Variants in SORCS2 observed in about 807,000 individuals in gnomAD.
SORCS2 encodes VPS10 domain-containing receptor SorCS2.
SORCS2 carries 100 observed loss-of-function variants against 141.6 expected under a neutral mutation model. The observed-to-expected ratio is 0.71, with a 90% CI of 0.60 to 0.83. The LOEUF is 0.83. Ranked by LOEUF, SORCS2 falls within the 40% of genes least tolerant of loss-of-function variation. The pLI, the probability that SORCS2 is intolerant of heterozygous loss-of-function variation, is 0.00. For synonymous variants in SORCS2, 789 were observed against 676.9 expected, an observed-to-expected ratio of 1.17 and a Z score of -2.57; for missense variants, 1,646 against 1,560.2, an observed-to-expected ratio of 1.05 and a Z score of -0.93.
In SORCS2 at chr4:7,249,066, C is replaced by T. The variant is rs201730675; in HGVS notation, c.480+55940C>T. Among the ~76,000 whole-genome samples, 9 of 152,220 alleles carry T rather than the reference C, an allele frequency of 5.9e-5. No individual in the cohort carries two copies. In the East Asian group the frequency reaches 1.7e-3, roughly 29 times the overall value. ...AGATAGTGCTGCAGTAACAAACAGC[C>T]CCAAATCTCAGTGGCTTAAAAGAAT... On this transcript the variant is annotated intron_variant, in intron 1 of 26. Transcript: ENST00000507866.
intron 1 of SORCS2, among the ~76,000 whole-genome samples, chr4:7,198,634 G>A (rs896791318): frequency 5.9e-5 from 9 of 152,144 alleles, no homozygotes; most frequent in Non-Finnish European, 1.2e-4. Context: ...GGTGTCCAGC[G>A]GCCACCTGGA....
intron 2 of SORCS2, among the ~76,000 whole-genome samples, chr4:7,505,298 T>C (rs891186582): frequency 6.6e-6 from 1 of 152,014 alleles, no homozygotes; most frequent in Non-Finnish European, 1.5e-5. Context: ...CGGAGGGACA[T>C]AGGTGGCCGG....
At chr4:7,602,922 C>T (rs577776335) in intron 3 of SORCS2, among the ~76,000 whole-genome samples, 8 of 152,316 alleles carry the variant, frequency 5.3e-5, no homozygotes, top group African/African-American at 1.4e-4. Flanking sequence ...CTCGGGAGGC[C>T]GAAGCTGGCA....
intron 3 of SORCS2, among the ~76,000 whole-genome samples, chr4:7,543,864 C>T (rs1712988467): frequency 7.0e-6 from 1 of 142,808 alleles, no homozygotes; most frequent in African/African-American, 2.7e-5. Context: ...ATCCATCCAC[C>T]CATCCATCCA....
rs139132562 is a variant in SORCS2, at chr4:7,654,227, C to G, written c.887+20C>G. ...GTTCTGGTGAGAGCACTTCCCCACC[C>G]CAAACCCATGGGGCCCGCAGCTCTG... On this transcript the variant is annotated intron_variant, in intron 5 of 26. Transcript: ENST00000507866. 1.3e-4 allele frequency: 203 copies of G among 1,563,686 alleles called. No homozygotes were observed. The East Asian group carries it at 4.8e-3, about 37-fold the overall frequency.
chr4:7,543,644 CCGT>C (rs1712909279), intron 3 of SORCS2, among the ~76,000 whole-genome samples: 1 of 148,216 alleles, frequency 6.7e-6, no homozygotes, highest in Admixed American at 6.7e-5. Flanking sequence ...ATCCGTCCAT[CCGT>C]CCATCCATCC....
intron 25 of SORCS2, among the ~76,000 whole-genome samples, chr4:7,735,089 C>T (rs940612955): frequency 6.6e-6 from 1 of 152,250 alleles, no homozygotes; most frequent in African/African-American, 2.4e-5. Context: ...GGACGCTAGA[C>T]CTGGAATGAG....
At chr4:7,301,695 G>A (rs1410075941) in intron 1 of SORCS2, among the ~76,000 whole-genome samples, 1 of 152,204 alleles carries the variant, frequency 6.6e-6, no homozygotes, top group East Asian at 1.9e-4. Context: ...TGTGGCCCCA[G>A]CAGAAAATGC....
intron 1 of SORCS2, among the ~76,000 whole-genome samples, chr4:7,368,402 G>A (rs1410538913): frequency 6.6e-6 from 1 of 152,214 alleles, no homozygotes; most frequent in African/African-American, 2.4e-5. Context: ...CCTGGTCACT[G>A]CCCAGGTGCA....
intron 1 of SORCS2, among the ~76,000 whole-genome samples, chr4:7,325,772 C>G (rs759876906): frequency 2.6e-5 from 4 of 152,300 alleles, no homozygotes; most frequent in Non-Finnish European, 2.9e-5. Flanking sequence ...CTTCCCTCCC[C>G]CCACGCCCAC....
chr4:7,689,754 A>G (rs1362270609), intron 11 of SORCS2, among the ~76,000 whole-genome samples, 166 bp downstream of exon 11: 1 of 152,290 alleles, frequency 6.6e-6, no homozygotes, highest in East Asian at 1.9e-4. Context: ...GCAAATTCCG[A>G]GAAATGAATG....
intron 1 of SORCS2, among the ~76,000 whole-genome samples, chr4:7,302,094 G>C (rs776757870): frequency 1.3e-5 from 2 of 152,252 alleles, no homozygotes; most frequent in Non-Finnish European, 2.9e-5. Flanking sequence ...CTTAGCACTT[G>C]ATGACACGAC....
At chr4:7,485,374 A>T (rs1730913941) in intron 2 of SORCS2, among the ~76,000 whole-genome samples, 1 of 152,174 alleles carries the variant, frequency 6.6e-6, no homozygotes, top group Admixed American at 6.5e-5. Flanking sequence ...AGTTGCCTCC[A>T]CAACTATCCC....
intron 18 of SORCS2, among the ~76,000 whole-genome samples, chr4:7,721,031 G>GTA (rs1253350049): frequency 3.3e-5 from 5 of 152,236 alleles, no homozygotes; most frequent in Non-Finnish European, 7.3e-5. Context: ...ACAAAAACCT[G>GTA]TATGTGTCTG....
chr4:7,710,724 G>A (rs1036962646), intron 14 of SORCS2, among the ~76,000 whole-genome samples: 51 of 152,188 alleles, frequency 3.4e-4, no homozygotes, highest in African/African-American at 1.1e-3. Flanking sequence ...CGGGGCCACC[G>A]TGCAGGCCCA....
intron 1 of SORCS2, among the ~76,000 whole-genome samples, chr4:7,266,518 C>G (rs115780378): frequency 2.6e-4 from 40 of 152,318 alleles, no homozygotes; most frequent in African/African-American, 8.4e-4. Context: ...TTCTGAAGAT[C>G]ATTTGGGAAC....
chr4:7,554,942 G>A (rs1713995050), intron 3 of SORCS2, among the ~76,000 whole-genome samples: 2 of 152,320 alleles, frequency 1.3e-5, no homozygotes, highest in South Asian at 4.1e-4. Context: ...TGAAGTCCAA[G>A]GCATGGAGGC....
intron 1 of SORCS2, among the ~76,000 whole-genome samples, chr4:7,272,076 C>T (rs1257323643): frequency 6.6e-6 from 1 of 152,194 alleles, no homozygotes; most frequent in African/African-American, 2.4e-5. Flanking sequence ...ATGGGAGGTG[C>T]TTTTGAGGAC....
chr4:7,264,278 C>T (rs1309056187), intron 1 of SORCS2, among the ~76,000 whole-genome samples: 2 of 152,262 alleles, frequency 1.3e-5, no homozygotes, highest in Non-Finnish European at 2.9e-5. Flanking sequence ...TGGCTCTGTG[C>T]AGCCCATGTC....
Sources: allele counts gnomAD v4.1 joint callset (sites outside exome capture counted in the v4.1 genomes callset), GRCh38; gene constraint gnomAD v4.1.1; transcripts MANE v1.5; gene names NCBI Gene and HGNC (gene_info 2026-07-23, HGNC 2026-07-21).